The following CES3 variants were observed in gnomAD, a reference collection of about 807,000 sequenced individuals.
CES3 encodes the protein carboxylesterase 3.
Under a neutral mutation model 57.6 loss-of-function variants are expected in CES3, and 49 were observed. The observed-to-expected ratio is 0.85, with a 90% CI of 0.68 to 1.08. The LOEUF (loss-of-function observed/expected upper bound fraction) is 1.08, where lower values mean the gene tolerates loss of function less well. CES3 is among the 50% of genes least tolerant of loss of function. CES3 has a pLI of 0.00. For synonymous variants in CES3, 266 were observed against 281.6 expected, an observed-to-expected ratio of 0.94 and a Z score of 0.55; for missense variants, 645 against 742.0, an observed-to-expected ratio of 0.87 and a Z score of 1.52.
chr16:66,961,597 C>G (rs534846892), intron 1 of CES3, among the ~76,000 whole-genome samples: 1 of 152,232 alleles, frequency 6.6e-6, no homozygotes, highest in Non-Finnish European at 1.5e-5. Context: ...GAGTTTTGCT[C>G]TTGTTACCCA....
Position 66,964,436 on chromosome 16 carries a change from G to T in CES3, c.640G>T (p.Ala214Ser), listed in dbSNP as rs147541860. ...AALRWVQENI[A>S]PFGGDLNCVT... ...TTTGCGCTGGGTGCAAGAAAACATCGCCCCCTTCGGGGGTGACCTCAACTG... is the reference window on the plus strand; with the variant it reads ...TTTGCGCTGGGTGCAAGAAAACATCTCCCCCTTCGGGGGTGACCTCAACTG... Residue 214 changes from alanine to serine, a missense_variant, in exon 5 of 13, where the codon GCC (alanine) becomes TCC (serine). Ala to Ser is a moderately conservative substitution (Grantham distance 99). Coordinates refer to ENST00000303334, the MANE Select transcript of CES3 (RefSeq NM_024922.6). 1 of 1,614,100 alleles carries T rather than the reference G, an allele frequency of 6.2e-7. No individual in the cohort carries two copies. Among genetic ancestry groups the T allele is most frequent in the South Asian group, 1.1e-5 (1 of 91,082 alleles).
In CES3 at chr16:66,973,134, G is replaced by C. The variant is rs1449215611; in HGVS notation, c.*85G>C. ...AGCACGGCAGCCCGCCTCTCCCCCT[G>C]CTGAGACTTTAATCTCCACCAGCCC... On this transcript the variant is annotated 3_prime_UTR_variant, in exon 13 of 13. Coordinates refer to ENST00000303334, the MANE Select transcript of CES3 (RefSeq NM_024922.6). The C allele has an allele frequency of 1.6e-6, 2 of 1,230,070 alleles. No individual in the cohort carries two copies. Among genetic ancestry groups the C allele is most frequent in the Non-Finnish European group, 2.3e-6 (2 of 872,124 alleles). The allele number at this position is 1,230,070 out of a possible 1,614,324, so 76.2% of individuals were successfully genotyped here. A position where few individuals can be genotyped will look rare whatever the true frequency, so the allele number is the denominator to read the frequency against.
chr16:66,966,687 C>T (rs770041749), intron 7 of CES3, 38 bp from the exon 8 acceptor site: 2 of 1,612,742 alleles, frequency 1.2e-6, no homozygotes, highest in South Asian at 1.1e-5. Context: ...GAGGCTTGGC[C>T]CTAACTTGGG....
In CES3 at chr16:66,966,866, G is replaced by T; in HGVS notation, c.1062+1G>T. ...TGAGTTCAGCTGGCTCATCCCCAGGGTGAGTTGCTCCCACCCCTGTGCCCT... is the reference window on the plus strand; with the variant it reads ...TGAGTTCAGCTGGCTCATCCCCAGGTTGAGTTGCTCCCACCCCTGTGCCCT... On this transcript the variant is annotated splice_donor_variant, in intron 8 of 12. Transcript: ENST00000303334. LOFTEE classifies it high-confidence loss of function. 6.2e-7 allele frequency: 1 copy of T among 1,613,924 alleles called. No individual in the cohort carries two copies. The highest frequency in any genetic ancestry group is 8.5e-7 in the Non-Finnish European group (1 of 1,180,020).
At position 66,970,172 on chromosome 16, in the gene CES3, G is replaced by A. The variant is rs899588659; in HGVS notation, c.1143+413G>A. ...CGCCAAGGCTGGAGTGCAGTGGCCC[G>A]ATCTCGGCTCACCGCAACATCCACC... On this transcript the variant is annotated intron_variant, in intron 9 of 12. Coordinates refer to ENST00000303334, the MANE Select transcript of CES3 (RefSeq NM_024922.6). 5.4e-4 allele frequency among the ~76,000 whole-genome samples: 79 copies of A among 147,326 alleles called. 1 individual carries two copies. Among genetic ancestry groups the A allele is most frequent in the African/African-American group, 1.8e-3 (71 of 39,710 alleles).
chr16:66,969,675 A>C lies in CES3; in HGVS notation c.1063-4A>C. 6.2e-7 allele frequency: 1 copy of C among 1,612,672 alleles called. No individual in the cohort carries two copies. On this transcript the variant is annotated splice_polypyrimidine_tract_variant and splice_region_variant and intron_variant, in intron 8 of 12. Coordinates refer to ENST00000303334, the MANE Select transcript of CES3 (RefSeq NM_024922.6). ...CCACTGAGAGGGCCTTGGTGTCCACACAGGGCTGGGGTCTCCTGGATACAA... is the reference window on the plus strand; with the variant it reads ...CCACTGAGAGGGCCTTGGTGTCCACCCAGGGCTGGGGTCTCCTGGATACAA...
chr16:66,969,914 AC>A (rs1963801535), intron 9 of CES3, among the ~76,000 whole-genome samples, 155 bp downstream of exon 9: 2 of 151,436 alleles, frequency 1.3e-5, no homozygotes, highest in African/African-American at 4.9e-5. Context: ...TTTTACTTCC[AC>A]TCCGGAATCT....
At chr16:66,970,111 T>TC (rs1409258329) in intron 9 of CES3, among the ~76,000 whole-genome samples, 2 of 77,968 alleles carry the variant, frequency 2.6e-5, no homozygotes, top group East Asian at 7.1e-4. Context: ...TTTTCTTTGT[T>TC]TTTTTTTTTT....
intron 8 of CES3, 87 bp from the exon 9 acceptor site, chr16:66,969,592 G>C: frequency 7.6e-7 from 1 of 1,321,992 alleles, no homozygotes; most frequent in Non-Finnish European, 1.1e-6. Flanking sequence ...TCTGGCCTCA[G>C]GACCGTGAAC....
chr16:66,969,878 C>T, intron 9 of CES3, 119 bp downstream of exon 9: 1 of 819,050 alleles, frequency 1.2e-6, no homozygotes, highest in Non-Finnish European at 2.0e-6. Context: ...CCACCTACCA[C>T]CAAGCCCCTT....
chr16:66,967,167 C>G (rs1328016867), intron 8 of CES3, among the ~76,000 whole-genome samples: 1 of 152,122 alleles, frequency 6.6e-6, no homozygotes, highest in Non-Finnish European at 1.5e-5. Flanking sequence ...ACTTCAACCT[C>G]CACCTCCTGG....
At chr16:66,969,844 CT>C in intron 9 of CES3, 85 bp downstream of exon 9, 1 of 1,242,926 alleles carries the variant, frequency 8.0e-7, no homozygotes, top group Non-Finnish European at 1.1e-6. Flanking sequence ...GTCTCTGCCC[CT>C]ACCTTCCGAC....
intron 6 of CES3, among the ~76,000 whole-genome samples, chr16:66,965,138 C>T (rs1168586866): frequency 6.6e-6 from 1 of 152,348 alleles, no homozygotes; most frequent in East Asian, 1.9e-4. Flanking sequence ...GTGGGAACTG[C>T]ATCTGCAAAG....
At chr16:66,961,821 C>T (rs561334116) in intron 1 of CES3, among the ~76,000 whole-genome samples, 1 of 152,270 alleles carries the variant, frequency 6.6e-6, no homozygotes, top group East Asian at 1.9e-4. Context: ...GCCTCGGCCT[C>T]CCAAAGTGCT....
Position 66,971,222 on chromosome 16 carries a change from C to G in CES3, c.1194C>G (p.Ser398Arg). The change falls in exon 10 of 13, where the codon AGC (serine) becomes AGG (arginine). Residue 398 changes from serine (S) to arginine (R), a missense_variant. By Grantham distance (110) the Ser-to-Arg change is moderately radical (BLOSUM62 -1). Transcript: ENST00000303334. ...MPTVIDEYLGSNSDAQAKCQA... is the reference protein window; with the variant it reads ...MPTVIDEYLGRNSDAQAKCQA... ...CCGTCATAGATGAATACCTAGGAAGCAACTCGGACGCACAAGCCAAATGCC... is the reference window on the plus strand; with the variant it reads ...CCGTCATAGATGAATACCTAGGAAGGAACTCGGACGCACAAGCCAAATGCC... 1.2e-6 allele frequency: 2 copies of G among 1,614,130 alleles called. No homozygotes were observed. Among genetic ancestry groups the G allele is most frequent in the Non-Finnish European group, 8.5e-7 (1 of 1,179,998 alleles).
In CES3 at chr16:66,972,907, A is replaced by C; in HGVS notation, c.1574A>C (p.Gln525Pro). ...TGGCCCCAATTCAACCAGGCGGAAC[A>C]ATATCTGGAGATCAACCCAGTGCCA... ...PPWPQFNQAE[Q>P]YLEINPVPRA... The change falls in exon 13 of 13, where the codon CAA becomes CCA. Residue 525 changes from glutamine (Q) to proline (P), a missense_variant. Transcript: ENST00000303334. 1 of 1,614,168 alleles carries C rather than the reference A, an allele frequency of 6.2e-7. No homozygotes were observed.
At position 66,974,845 on chromosome 16, in the gene CES3, T is replaced by C. The variant is rs1963911946; in HGVS notation, c.*1796T>C. 1.3e-5 allele frequency: 2 copies of C among 152,274 alleles called. No individual in the cohort carries two copies. The highest frequency in any genetic ancestry group is 1.3e-4 in the Admixed American group (2 of 15,280). 9.4% of individuals were successfully genotyped at this position (152,274 alleles called of 1,614,324 possible). A position where few individuals can be genotyped will look rare whatever the true frequency, so the allele number is the denominator to read the frequency against. ...TGTGAATGCACCAATCCACACTCTGTATCTGGCTACTCTGGTGGGGACTTG... is the reference window on the plus strand; with the variant it reads ...TGTGAATGCACCAATCCACACTCTGCATCTGGCTACTCTGGTGGGGACTTG... On this transcript the variant is annotated 3_prime_UTR_variant, in exon 13 of 13. Coordinates refer to ENST00000303334, the MANE Select transcript of CES3 (RefSeq NM_024922.6).
intron 1 of CES3, among the ~76,000 whole-genome samples, chr16:66,961,608 G>A (rs1005690604): frequency 1.3e-5 from 2 of 152,162 alleles, no homozygotes. Context: ...TTGTTACCCA[G>A]GCTGGAGTGC....
At chr16:66,962,965 G>A (rs1418884193) in intron 1 of CES3, 3 of 699,086 alleles carry the variant, frequency 4.3e-6, no homozygotes, top group Non-Finnish European at 7.8e-6. Context: ...CTAGTGGCAG[G>A]CCCGGTCTGG....
Sources: allele counts gnomAD v4.1 joint callset (sites outside exome capture counted in the v4.1 genomes callset), GRCh38; gene constraint gnomAD v4.1.1; transcripts MANE v1.5; gene names NCBI Gene and HGNC (gene_info 2026-07-23, HGNC 2026-07-21).